The following MGAT4C variants were observed in gnomAD, a reference collection of about 807,000 sequenced individuals.
The protein encoded by MGAT4C is MGAT4 family member C.
In MGAT4C, 19 loss-of-function variants were observed where a neutral mutation model predicts 40.1. That is an observed-to-expected ratio of 0.47 (90% confidence interval 0.33 to 0.70). The LOEUF (loss-of-function observed/expected upper bound fraction) is 0.70. Among genes scored for constraint, MGAT4C ranks in the 30% least tolerant of loss-of-function variants. MGAT4C has a pLI of 0.02. For missense variants in MGAT4C, 491 were observed against 563.2 expected, an observed-to-expected ratio of 0.87 and a Z score of 1.30; for synonymous variants, 181 against 187.1, an observed-to-expected ratio of 0.97 and a Z score of 0.27.
Position 86,729,738 on chromosome 12 carries a change from A to C in MGAT4C, c.-261-2497T>G, listed in dbSNP as rs540882847. ...ACTTATTCTCATAACAAAAGCCCTG[A>C]AAAAATGTTGTACAACACTTCATCT... is the stretch of plus-strand genomic sequence containing the variant. On this transcript the variant is annotated intron_variant, in intron 1 of 7. Transcript: ENST00000548651. Among the ~76,000 whole-genome samples the C allele has an allele frequency of 2.0e-5, 3 of 152,192 alleles. No homozygotes were observed. In the South Asian group the frequency reaches 6.2e-4, roughly 32 times the overall value.
chr12:86,439,713 C>T (rs561842938), intron 2 of MGAT4C, among the ~76,000 whole-genome samples: 5 of 151,692 alleles, frequency 3.3e-5, no homozygotes, highest in African/African-American at 1.2e-4. Flanking sequence ...AAAAGATGAA[C>T]AAAATTGATA....
At chr12:86,624,552 T>C (rs375547264) in intron 2 of MGAT4C, among the ~76,000 whole-genome samples, 27 of 151,970 alleles carry the variant, frequency 1.8e-4, no homozygotes, top group African/African-American at 6.5e-4. Flanking sequence ...ACAGACAACA[T>C]AAAACAGTGA....
chr12:86,148,589 T>C (rs2135759132), intron 1 of MGAT4C, among the ~76,000 whole-genome samples: 1 of 152,310 alleles, frequency 6.6e-6, no homozygotes, highest in African/African-American at 2.4e-5. Context: ...CCTACCAATA[T>C]CTTTGCAACT....
At chr12:86,323,305 C>T (rs1041412057) in intron 4 of MGAT4C, among the ~76,000 whole-genome samples, 5 of 151,550 alleles carry the variant, frequency 3.3e-5, no homozygotes, top group African/African-American at 1.2e-4. Context: ...TCTAAAGTTA[C>T]ATGAATTCAG....
intron 1 of MGAT4C, among the ~76,000 whole-genome samples, chr12:86,136,027 T>C (rs1881894576): frequency 2.0e-5 from 3 of 152,210 alleles, no homozygotes; most frequent in Admixed American, 2.0e-4. Context: ...CTCAAGAATT[T>C]ATATTATTAC....
chr12:86,768,214 A>G (rs1414899227), intron 1 of MGAT4C, among the ~76,000 whole-genome samples: 1 of 152,202 alleles, frequency 6.6e-6, no homozygotes, highest in Non-Finnish European at 1.5e-5. Context: ...GAATTCTTAT[A>G]CACCAATAGC....
chr12:86,383,514 G>A (rs534843458), intron 3 of MGAT4C, among the ~76,000 whole-genome samples: 11 of 119,058 alleles, frequency 9.2e-5, no homozygotes, highest in African/African-American at 3.2e-4. Flanking sequence ...TCACGCCGCT[G>A]CACTCCAGAC....
chr12:86,462,482 G>T (rs1263934530), intron 2 of MGAT4C, among the ~76,000 whole-genome samples: 1 of 152,188 alleles, frequency 6.6e-6, no homozygotes, highest in Admixed American at 6.5e-5. Flanking sequence ...ATTAGTCATG[G>T]TTCTCTAGAA....
intron 2 of MGAT4C, among the ~76,000 whole-genome samples, chr12:86,587,083 T>G (rs1961080969): frequency 6.6e-6 from 1 of 152,086 alleles, no homozygotes; most frequent in Admixed American, 6.6e-5. Context: ...TTTATGGTTT[T>G]AGGTCTAACA....
intron 2 of MGAT4C, among the ~76,000 whole-genome samples, chr12:86,547,624 T>C (rs1280686904): frequency 6.6e-6 from 1 of 152,088 alleles, no homozygotes; most frequent in East Asian, 1.9e-4. Context: ...TAAATAAATA[T>C]TTGGTAAATT....
chr12:86,684,267 T>C (rs1292877220), intron 2 of MGAT4C, among the ~76,000 whole-genome samples: 3 of 152,168 alleles, frequency 2.0e-5, no homozygotes, highest in Non-Finnish European at 4.4e-5. Context: ...CACTTATGAG[T>C]GAAAACATGT....
chr12:86,098,115 T>C (rs547821933), intron 1 of MGAT4C, among the ~76,000 whole-genome samples: 2 of 151,802 alleles, frequency 1.3e-5, no homozygotes, highest in Non-Finnish European at 3.0e-5. Flanking sequence ...TCAAGTCATA[T>C]TATATGTAAT....
chr12:86,084,567 C>A (rs1203980367), intron 1 of MGAT4C, among the ~76,000 whole-genome samples: 4 of 151,614 alleles, frequency 2.6e-5, no homozygotes, highest in African/African-American at 9.7e-5. Context: ...AGAATAGTTA[C>A]ATAGAGAAAC....
Position 86,707,046 on chromosome 12 carries a change from G to C in MGAT4C, c.-229+20163C>G, listed in dbSNP as rs138080051. On this transcript the variant is annotated intron_variant, in intron 2 of 7. Coordinates refer to the MGAT4C transcript ENST00000548651. ...CCTTGCCTTCTGCCATGATGGTGGG[G>C]CTTCTGCAGTCATGTAAAACTGTAA... is the stretch of plus-strand genomic sequence containing the variant. Among the ~76,000 whole-genome samples, 498 of 152,302 alleles carry C rather than the reference G, an allele frequency of 3.3e-3. 3 individuals are homozygous for C. Among genetic ancestry groups the C allele is most frequent in the African/African-American group, 0.011 (476 of 41,564 alleles).
intron 3 of MGAT4C, among the ~76,000 whole-genome samples, chr12:86,405,529 T>C (rs934956927): frequency 1.7e-4 from 26 of 152,046 alleles, no homozygotes; most frequent in African/African-American, 5.8e-4. Context: ...ATCAATTGAC[T>C]AAACGTAGTA....
At position 86,493,965 on chromosome 12, in the gene MGAT4C, G is replaced by A. The variant is rs991395142; in HGVS notation, c.-228-58700C>T. On this transcript the variant is annotated intron_variant, in intron 2 of 7. Coordinates refer to the MGAT4C transcript ENST00000548651. ...GATTTTTTTCTCTCTCTTTTTTTAAGTACTACTTTATTGAGTTACATGGGA... is the reference window on the plus strand; with the variant it reads ...GATTTTTTTCTCTCTCTTTTTTTAAATACTACTTTATTGAGTTACATGGGA... Among the ~76,000 whole-genome samples the A allele has an allele frequency of 2.0e-5, 3 of 151,440 alleles. No homozygotes were observed. In the Admixed American group the frequency reaches 2.0e-4, roughly 10 times the overall value.
chr12:86,334,087 C>A (rs1056207170), exon 4 of MGAT4C: 1 of 152,052 alleles, frequency 6.6e-6, no homozygotes, highest in Non-Finnish European at 1.5e-5. Context: ...GTAGAGATAG[C>A]CTTTCTCACG....
intron 4 of MGAT4C, among the ~76,000 whole-genome samples, chr12:86,269,563 G>GT (rs758179075): frequency 0.02 from 2,922 of 143,098 alleles, 55 homozygotes; most frequent in African/African-American, 0.051. Context: ...AGGTTTTTTT[G>GT]TTTTTTTTTT....
At chr12:86,627,533 G>A (rs1962858497) in intron 2 of MGAT4C, among the ~76,000 whole-genome samples, 1 of 152,162 alleles carries the variant, frequency 6.6e-6, no homozygotes, top group South Asian at 2.1e-4. Flanking sequence ...GAAGGATCAG[G>A]CAGCAATATT....
Sources: allele counts gnomAD v4.1 joint callset (sites outside exome capture counted in the v4.1 genomes callset), GRCh38; gene constraint gnomAD v4.1.1; transcripts MANE v1.5; gene names NCBI Gene and HGNC (gene_info 2026-07-23, HGNC 2026-07-21).